VPS41: variants seen among roughly 807,000 people sequenced by gnomAD.
VPS41 encodes vacuolar protein sorting-associated protein 41 homolog.
A neutral mutation model predicts 130.9 loss-of-function variants in VPS41; 85 were observed. The observed-to-expected ratio is 0.65, with a 90% CI of 0.55 to 0.78. The LOEUF (loss-of-function observed/expected upper bound fraction) is 0.78, where lower values mean the gene tolerates loss of function less well. Among genes scored for constraint, VPS41 ranks in the 30% least tolerant of loss-of-function variants. The pLI is 0.00. For synonymous variants in VPS41, 335 were observed against 332.9 expected, an observed-to-expected ratio of 1.01 and a Z score of -0.07; for missense variants, 874 against 1,018.7, an observed-to-expected ratio of 0.86 and a Z score of 1.93.
intron 2 of VPS41, among the ~76,000 whole-genome samples, chr7:38,894,846 T>C (rs1786946981): frequency 6.6e-6 from 1 of 152,136 alleles, no homozygotes; most frequent in Non-Finnish European, 1.5e-5. Flanking sequence ...TTGGAACCCC[T>C]TTCTCCTCCT....
intron 25 of VPS41, among the ~76,000 whole-genome samples, chr7:38,740,405 T>C (rs1257020299): frequency 6.6e-6 from 1 of 152,146 alleles, no homozygotes; most frequent in Non-Finnish European, 1.5e-5. Context: ...GGCAGGGACG[T>C]CACCTTTCTG....
At chr7:38,857,834 C>T (rs1175689227) in intron 4 of VPS41, among the ~76,000 whole-genome samples, 1 of 152,158 alleles carries the variant, frequency 6.6e-6, no homozygotes, top group African/African-American at 2.4e-5. Flanking sequence ...CATAAGACAT[C>T]AATCAATACA....
In VPS41 at chr7:38,851,900, A is replaced by AT. The variant is rs527734179; in HGVS notation, c.246+10644dup. Among the ~76,000 whole-genome samples, 1,346 of 152,286 alleles carry AT rather than the reference A, an allele frequency of 8.8e-3. 10 individuals are homozygous for AT. Among genetic ancestry groups the AT allele is most frequent in the Non-Finnish European group, 0.012 (815 of 68,024 alleles). On this transcript the variant is annotated intron_variant, in intron 4 of 28. Coordinates refer to ENST00000310301, the MANE Select transcript of VPS41 (RefSeq NM_014396.4). The stretch of plus-strand genomic sequence containing the variant: ...TTCCATTTTAATTAGTTTTAATATG[A>AT]TTTTTTCCTTGCTATAAATTAAACT...
intron 5 of VPS41, among the ~76,000 whole-genome samples, chr7:38,827,666 T>C (rs1422319139): frequency 6.6e-6 from 1 of 152,162 alleles, no homozygotes; most frequent in Non-Finnish European, 1.5e-5. Flanking sequence ...ACACACCAAG[T>C]GGGAATGCCA....
chr7:38,795,452 C>T lies in VPS41; in HGVS notation c.717+13G>A, dbSNP rs188944549. On this transcript the variant is annotated intron_variant, in intron 9 of 28. Transcript: ENST00000310301. ...TAACAACACGGACTTATTATAAAGA[C>T]AAGCAAAACCACCTTGACAGAAGTC... The T allele has an allele frequency of 1.5e-5, 24 of 1,606,876 alleles. No individual in the cohort carries two copies. The African/African-American group carries it at 2.8e-4, about 19-fold the overall frequency.
chr7:38,831,035 G>A (rs900104862), intron 4 of VPS41, among the ~76,000 whole-genome samples: 7 of 152,162 alleles, frequency 4.6e-5, no homozygotes, highest in African/African-American at 1.7e-4. Flanking sequence ...AAGCACCTAG[G>A]CCAGCATGTC....
intron 7 of VPS41, 116 bp from the exon 8 acceptor site, chr7:38,796,980 G>A (rs1031398780): frequency 1.2e-5 from 14 of 1,163,824 alleles, no homozygotes; most frequent in Middle Eastern, 4.1e-4. Context: ...CACTCTCGAC[G>A]TCTTTAATGT....
intron 7 of VPS41, among the ~76,000 whole-genome samples, chr7:38,814,105 T>C (rs1201491945): frequency 6.6e-6 from 1 of 152,250 alleles, no homozygotes; most frequent in Non-Finnish European, 1.5e-5. Flanking sequence ...CTGTTGTTCC[T>C]GCACTGCTCA....
intron 19 of VPS41, among the ~76,000 whole-genome samples, chr7:38,755,336 A>G (rs946395593): frequency 6.6e-6 from 1 of 152,194 alleles, no homozygotes; most frequent in East Asian, 1.9e-4. Context: ...AGCTACTTCA[A>G]CCTCGACCTA....
intron 22 of VPS41, among the ~76,000 whole-genome samples, chr7:38,746,236 G>A (rs1219754152): frequency 7.5e-6 from 1 of 132,838 alleles, no homozygotes; most frequent in Non-Finnish European, 1.6e-5. Flanking sequence ...CTATGCAGAT[G>A]AGAGCATTTC....
chr7:38,772,789 G>T, intron 12 of VPS41, 152 bp from the exon 13 acceptor site: 1 of 521,646 alleles, frequency 1.9e-6, no homozygotes, highest in South Asian at 3.1e-5. Context: ...GAAGGTAAGT[G>T]TGGGAGACAG....
chr7:38,747,864 T>C (rs377556944), intron 22 of VPS41, among the ~76,000 whole-genome samples: 3 of 152,206 alleles, frequency 2.0e-5, no homozygotes, highest in Admixed American at 6.5e-5. Context: ...TATAAGATCC[T>C]GTATATACTT....
intron 25 of VPS41, among the ~76,000 whole-genome samples, chr7:38,733,984 GT>G (rs959659935): frequency 1.3e-4 from 20 of 152,140 alleles, no homozygotes; most frequent in Non-Finnish European, 2.1e-4. Context: ...TACTCCAGAG[GT>G]TGAAGTGAAA....
intron 2 of VPS41, among the ~76,000 whole-genome samples, chr7:38,882,804 A>G (rs1040954804): frequency 2.6e-5 from 4 of 152,210 alleles, no homozygotes; most frequent in Non-Finnish European, 5.9e-5. Context: ...TACAGCCTTC[A>G]TCGCCTCTAG....
At chr7:38,783,109 T>TA (rs2115906162) in intron 10 of VPS41, among the ~76,000 whole-genome samples, 1 of 151,896 alleles carries the variant, frequency 6.6e-6, no homozygotes, top group South Asian at 2.1e-4. Context: ...GCCTGGGTGA[T>TA]AGAGCGAGAC....
chr7:38,809,319 C>T lies in VPS41; in HGVS notation c.450+8498G>A, dbSNP rs1043992372. On this transcript the variant is annotated intron_variant, in intron 7 of 28. Coordinates refer to ENST00000310301, the MANE Select transcript of VPS41 (RefSeq NM_014396.4). ...CCAACATAGTGAAACCCCGTCTCTA[C>T]TAAAAATACAAAAATATATATATAT... Among the ~76,000 whole-genome samples the T allele has an allele frequency of 2.0e-5, 3 of 146,878 alleles. No individual in the cohort carries two copies. In the Admixed American group the frequency reaches 2.1e-4, roughly 10 times the overall value.
At chr7:38,780,592 T>C (rs1036720016) in intron 10 of VPS41, among the ~76,000 whole-genome samples, 12 of 152,158 alleles carry the variant, frequency 7.9e-5, no homozygotes, top group African/African-American at 2.9e-4. Context: ...TACGATTCTG[T>C]ACACGGTCCT....
chr7:38,909,125 T>A (rs1787331923), intron 1 of VPS41, 29 bp downstream of exon 1: 1 of 1,613,912 alleles, frequency 6.2e-7, no homozygotes, highest in African/African-American at 1.3e-5. Flanking sequence ...TATATCCCTG[T>A]GCCCTCAACT....
chr7:38,772,480 G>T, intron 13 of VPS41, 42 bp downstream of exon 13: 2 of 1,314,246 alleles, frequency 1.5e-6, no homozygotes, highest in Non-Finnish European at 2.2e-6. Context: ...TCTCTATGCT[G>T]TAGATGAGTC....
Sources: gnomAD v4.1 joint callset for allele counts (sites outside exome capture counted in the v4.1 genomes callset) on GRCh38, gnomAD v4.1.1 for gene constraint, MANE v1.5 for transcripts, NCBI Gene and HGNC (gene_info 2026-07-23, HGNC 2026-07-21) for gene names.